DNAH8: variants seen among roughly 807,000 people sequenced by gnomAD.
DNAH8 encodes dynein axonemal heavy chain 8.
A neutral mutation model predicts 562.1 loss-of-function variants in DNAH8; 382 were observed. The observed-to-expected ratio is 0.68, with a 90% CI of 0.63 to 0.74. The LOEUF is 0.74. Ranked by LOEUF, DNAH8 falls within the 30% of genes least tolerant of loss-of-function variation. The pLI is 0.00. For synonymous variants in DNAH8, 1,881 were observed against 1,919.4 expected, an observed-to-expected ratio of 0.98 and a Z score of 0.52; for missense variants, 5,203 against 5,620.4, an observed-to-expected ratio of 0.93 and a Z score of 2.37.
At position 38,770,497 on chromosome 6, in the gene DNAH8, T is replaced by G. The variant is rs1385917517; in HGVS notation, c.1702T>G (p.Phe568Val). ...TTCAGAATCCTCAGGGGAAAAATCTTTTGAGGTTTCAGAAATGTATATATT... is the reference window on the plus strand; with the variant it reads ...TTCAGAATCCTCAGGGGAAAAATCTGTTGAGGTTTCAGAAATGTATATATT... ...LISESSGEKS[F>V]EVSEMYIFGK... The change falls in exon 12 of 93, where the codon TTT (phenylalanine) becomes GTT (valine). Residue 568 changes from phenylalanine (F) to valine (V), a missense_variant. Phe to Val is a conservative substitution (Grantham distance 50, BLOSUM62 -1). This residue lies in a region of DNAH8 where 2,176 missense variants were observed against 2,365.1 expected (regional missense o/e 0.92). Coordinates refer to ENST00000327475, the MANE Select transcript of DNAH8 (RefSeq NM_001206927.2). 2 of 1,607,900 alleles carry G rather than the reference T, an allele frequency of 1.2e-6. No homozygotes were observed. The highest frequency in any genetic ancestry group is 1.7e-6 in the Non-Finnish European group (2 of 1,178,036).
intron 88 of DNAH8, among the ~76,000 whole-genome samples, chr6:39,000,268 T>A (rs909397236): frequency 6.6e-6 from 1 of 152,188 alleles, no homozygotes; most frequent in Non-Finnish European, 1.5e-5. Flanking sequence ...AAAATCAGGG[T>A]ATGTATACAT....
intron 58 of DNAH8, among the ~76,000 whole-genome samples, chr6:38,893,380 G>A (rs1477366725): frequency 6.6e-6 from 1 of 152,174 alleles, no homozygotes; most frequent in African/African-American, 2.4e-5. Flanking sequence ...TATTAGAAGA[G>A]AAGGAAAGAA....
At chr6:38,897,241 A>G (rs1779765505) in intron 60 of DNAH8, among the ~76,000 whole-genome samples, 2 of 152,232 alleles carry the variant, frequency 1.3e-5, no homozygotes, top group South Asian at 4.1e-4. Context: ...TAAAAATAAT[A>G]TAGAATTCAA....
chr6:38,969,880 G>T (rs1457675809), intron 82 of DNAH8, among the ~76,000 whole-genome samples: 1 of 152,118 alleles, frequency 6.6e-6, no homozygotes, highest in Non-Finnish European at 1.5e-5. Context: ...TAGGGCTTGA[G>T]AGACCCCTCT....
rs9369088 is a variant in DNAH8, at chr6:38,862,753, A to G, written c.6310+295A>G. Among the ~76,000 whole-genome samples the G allele has an allele frequency of 0.42, 64,120 of 152,036 alleles. 14,156 individuals are homozygous for G. Among genetic ancestry groups the G allele is most frequent in the East Asian group, 0.69 (3,570 of 5,152 alleles). On this transcript the variant is annotated intron_variant, in intron 44 of 92. Coordinates refer to ENST00000327475, the MANE Select transcript of DNAH8 (RefSeq NM_001206927.2). ...AGTAGAGAGGATCAAAATAGCAAAC[A>G]GGGGACACATGTGGCTTCCCTCCCA...
At chr6:38,948,866 A>G (rs982792229) in intron 80 of DNAH8, among the ~76,000 whole-genome samples, 8 of 152,196 alleles carry the variant, frequency 5.3e-5, no homozygotes, top group Admixed American at 2.0e-4. Context: ...TTTAGGTCTC[A>G]AGGTGGGGGA....
chr6:38,902,061 G>C (rs1321572190), intron 62 of DNAH8, among the ~76,000 whole-genome samples: 3 of 152,194 alleles, frequency 2.0e-5, no homozygotes, highest in Admixed American at 6.5e-5. Context: ...TCTGATTCCT[G>C]TAGGCATCTA....
intron 47 of DNAH8, 30 bp downstream of exon 47, chr6:38,866,906 C>A: frequency 7.2e-7 from 1 of 1,381,616 alleles, no homozygotes; most frequent in Non-Finnish European, 1.0e-6. Context: ...TTCCTCCTAG[C>A]AATAGTATTT....
At chr6:38,823,534 TA>T in intron 27 of DNAH8, 27 bp from the exon 28 acceptor site, 1 of 1,547,352 alleles carries the variant, frequency 6.5e-7, no homozygotes, top group Non-Finnish European at 8.9e-7. Flanking sequence ...GTTAAAAAAT[TA>T]AAATATTGAC....
chr6:38,799,809 T>C (rs1029557688), intron 21 of DNAH8, among the ~76,000 whole-genome samples: 1 of 152,238 alleles, frequency 6.6e-6, no homozygotes, highest in African/African-American at 2.4e-5. Flanking sequence ...TCCTTTCTGC[T>C]TCTATAGACA....
chr6:38,834,511 A>C (rs1774116215), intron 31 of DNAH8, 68 bp from the exon 32 acceptor site: 1 of 1,087,540 alleles, frequency 9.2e-7, no homozygotes, highest in Non-Finnish European at 1.3e-6. Flanking sequence ...GAAATAATAG[A>C]TAAACCCAAT....
At chr6:38,745,264 G>A (rs1764835346) in intron 8 of DNAH8, among the ~76,000 whole-genome samples, 1 of 152,180 alleles carries the variant, frequency 6.6e-6, no homozygotes, top group Non-Finnish European at 1.5e-5. Flanking sequence ...CATTTGCTGT[G>A]ATGTAATAAA....
chr6:38,797,718 T>A (rs1374207783), intron 21 of DNAH8, among the ~76,000 whole-genome samples: 2 of 152,166 alleles, frequency 1.3e-5, no homozygotes, highest in African/African-American at 4.8e-5. Flanking sequence ...TTAATTGTCT[T>A]TGTTTCTCAC....
At chr6:38,923,506 T>G (rs1781877135) in intron 72 of DNAH8, 1 of 205,786 alleles carries the variant, frequency 4.9e-6, no homozygotes, top group Non-Finnish European at 9.7e-6. Flanking sequence ...TTGTTGTGGA[T>G]CAATGGTTTG....
intron 12 of DNAH8, 99 bp downstream of exon 12, chr6:38,770,658 T>G: frequency 1.3e-5 from 14 of 1,118,660 alleles, no homozygotes; most frequent in Non-Finnish European, 1.5e-5. Context: ...TCCTGATCTC[T>G]TGTCCACTAT....
intron 5 of DNAH8, among the ~76,000 whole-genome samples, chr6:38,734,972 C>G (rs1024857875): frequency 6.6e-6 from 1 of 152,012 alleles, no homozygotes; most frequent in Non-Finnish European, 1.5e-5. Flanking sequence ...GAGAGTTGTC[C>G]TAGAGCCTGG....
intron 49 of DNAH8, among the ~76,000 whole-genome samples, chr6:38,872,195 A>G (rs1256249980): frequency 6.6e-6 from 1 of 152,172 alleles, no homozygotes; most frequent in East Asian, 1.9e-4. Context: ...ATCACATTGG[A>G]TGCCGAGAAA....
chr6:38,904,695 G>A (rs1275374068), intron 62 of DNAH8, among the ~76,000 whole-genome samples: 1 of 151,270 alleles, frequency 6.6e-6, no homozygotes, highest in Non-Finnish European at 1.5e-5. Context: ...AAGAGGCTGA[G>A]GCAGGAGAAT....
At chr6:38,733,490 T>G (rs1402337251) in intron 4 of DNAH8, among the ~76,000 whole-genome samples, 2 of 151,872 alleles carry the variant, frequency 1.3e-5, no homozygotes, top group South Asian at 4.2e-4. Context: ...GAAAGATGAG[T>G]AGGAATTTGT....
Sources: gnomAD v4.1 joint callset for allele counts (sites outside exome capture counted in the v4.1 genomes callset) on GRCh38, gnomAD v4.1.1 for gene constraint, gnomAD v4.1.1 regional missense constraint, MANE v1.5 for transcripts, NCBI Gene and HGNC (gene_info 2026-07-23, HGNC 2026-07-21) for gene names.